The following PSMD6 variants were observed in gnomAD, a reference collection of about 807,000 sequenced individuals.
PSMD6 encodes 26S proteasome non-ATPase regulatory subunit 6.
In PSMD6, 7 loss-of-function variants were observed where a neutral mutation model predicts 44.9. The ratio of observed to expected loss-of-function variants is 0.16; its 90% confidence interval spans 0.09 to 0.29. PSMD6 has a LOEUF of 0.29. Ranked by LOEUF, PSMD6 falls within the 10% of genes least tolerant of loss-of-function variation. The pLI is 1.00. For missense variants in PSMD6, 420 were observed against 482.6 expected (o/e 0.87, Z 1.21); for synonymous variants, 184 against 172.7 (o/e 1.07, Z -0.51).
At chr3:64,021,171 T>C (rs1338730891) in intron 2 of PSMD6, among the ~76,000 whole-genome samples, 1 of 152,150 alleles carries the variant, frequency 6.6e-6, no homozygotes, top group Admixed American at 6.5e-5. Flanking sequence ...TACATAAGCA[T>C]ATTTTTACAG....
intron 5 of PSMD6, chr3:64,014,634 A>G (rs2076016027): frequency 6.6e-6 from 1 of 152,168 alleles, no homozygotes; most frequent in Admixed American, 6.5e-5. Flanking sequence ...ACTCTAGAGT[A>G]TACTTATGTT....
In PSMD6 at chr3:64,013,284, G is replaced by T. The variant is rs935729386; in HGVS notation, c.995+155C>A. ...TGACATGAGGAAGGCAGAGGCAACA[G>T]GATACGAATGTTTTGATAATACTGA... is the stretch of plus-strand genomic sequence containing the variant. On this transcript the variant is annotated intron_variant, in intron 6 of 7. Transcript: ENST00000295901. 6.0e-6 allele frequency: 4 copies of T among 661,944 alleles called. No individual in the cohort carries two copies. The Admixed American group carries it at 1.0e-4, about 17-fold the overall frequency. 41.0% of individuals were successfully genotyped at this position (661,944 alleles called of 1,614,324 possible).
chr3:64,011,356 C>A, intron 6 of PSMD6: 1 of 150,586 alleles, frequency 6.6e-6, no homozygotes, highest in Non-Finnish European at 1.4e-5. Context: ...ATGTCAACAG[C>A]AATAGTATTT....
At chr3:64,023,034 C>G in intron 1 of PSMD6, 2 of 1,427,346 alleles carry the variant, frequency 1.4e-6, no homozygotes, top group Non-Finnish European at 1.8e-6. Flanking sequence ...CACGATTCTC[C>G]CCCAAGCTGC....
At chr3:64,023,533 C>CAG, upstream of PSMD6, 1 of 1,411,164 alleles carries the variant, frequency 7.1e-7, no homozygotes, top group Non-Finnish European at 9.3e-7. Context: ...GGCTTCCGGT[C>CAG]CCGTCTCCGC....
chr3:64,013,384 A>ATATT, intron 6 of PSMD6, 55 bp downstream of exon 6: 1 of 1,454,668 alleles, frequency 6.9e-7, no homozygotes, highest in Admixed American at 2.4e-5. Context: ...ACAAGTTCAC[A>ATATT]TATTTTAAAA....
intron 4 of PSMD6, 33 bp downstream of exon 4, chr3:64,018,785 C>T (rs2076087694): frequency 1.3e-6 from 2 of 1,537,918 alleles, no homozygotes; most frequent in East Asian, 4.5e-5. Context: ...AAAAACAAGT[C>T]TTTAAATTTG....
In PSMD6 at chr3:64,010,779, A is replaced by C. The variant is rs773513107; in HGVS notation, c.1074-15T>G. ...TGCTATCAGGTCTATAAATAAATTC[A>C]AGAAAAAATGAATTATTTACCAGTC... On this transcript the variant is annotated splice_polypyrimidine_tract_variant and intron_variant, in intron 7 of 7. Coordinates refer to ENST00000295901, the MANE Select transcript of PSMD6 (RefSeq NM_014814.3). 3.1e-6 allele frequency: 5 copies of C among 1,589,876 alleles called. No homozygotes were observed. The highest frequency in any genetic ancestry group is 4.3e-6 in the Non-Finnish European group (5 of 1,161,454).
Position 64,010,636 on chromosome 3 carries a change from T to G in PSMD6, c.*32A>C. 1 of 1,497,554 alleles carries G rather than the reference T, an allele frequency of 6.7e-7. No homozygotes were observed. The highest frequency in any genetic ancestry group is 9.2e-7 in the Non-Finnish European group (1 of 1,087,228). 92.8% of individuals were successfully genotyped at this position (1,497,554 alleles called of 1,614,324 possible). A position where few individuals can be genotyped will look rare whatever the true frequency, so the allele number is the denominator to read the frequency against. On this transcript the variant is annotated 3_prime_UTR_variant, in exon 8 of 8. Transcript: ENST00000295901. ...GCTATAAAAATTCCAAATAATTATC[T>G]CTAAAGCAAATCCTTTGTTAGTTAC...
intron 5 of PSMD6, chr3:64,014,506 G>T (rs2076013693): frequency 6.6e-6 from 1 of 152,148 alleles, no homozygotes; most frequent in South Asian, 2.1e-4. Flanking sequence ...CAATGTAAAT[G>T]ATACAAAAGT....
At chr3:64,013,339 A>G in intron 6 of PSMD6, 100 bp downstream of exon 6, 1 of 1,243,346 alleles carries the variant, frequency 8.0e-7, no homozygotes, top group Non-Finnish European at 1.1e-6. Context: ...CCCCGTTAAG[A>G]TTGAGGGAAC....
At chr3:64,021,499 A>G (rs2076130664) in intron 2 of PSMD6, among the ~76,000 whole-genome samples, 1 of 152,268 alleles carries the variant, frequency 6.6e-6, no homozygotes, top group African/African-American at 2.4e-5. Flanking sequence ...TCTTTTACAT[A>G]TAAAATTTTA....
chr3:64,016,716 TCA>T (rs2076049777), intron 5 of PSMD6: 1 of 152,168 alleles, frequency 6.6e-6, no homozygotes. Context: ...ACTGGAACCC[TCA>T]CACAGCTGAT....
chr3:64,022,281 A>G, intron 2 of PSMD6, 37 bp downstream of exon 2: 1 of 1,607,134 alleles, frequency 6.2e-7, no homozygotes, highest in Non-Finnish European at 8.5e-7. Context: ...ATTTTAGCCT[A>G]TACTAACTAC....
Position 64,023,288 on chromosome 3 carries a change from G to A in PSMD6, c.132C>T (p.Ala44=). 2 of 1,573,572 alleles carry A rather than the reference G, an allele frequency of 1.3e-6. No homozygotes were observed. The highest frequency in any genetic ancestry group is 8.6e-7 in the Non-Finnish European group (1 of 1,159,840). ...DAAVRDELMA[A]VRDNNMAPYY... The stretch of plus-strand genomic sequence containing the variant: ...TGCGGGCCTCACTGTTATCGCGGAC[G>A]GCCGCCATCAGCTCGTCGCGCACGG... The change falls in exon 1 of 8, where the codon GCC becomes GCT. Residue 44 remains alanine, a synonymous_variant. Transcript: ENST00000295901.
intron 2 of PSMD6, among the ~76,000 whole-genome samples, chr3:64,021,953 A>ACT (rs539619285): frequency 8.5e-4 from 130 of 152,350 alleles, no homozygotes; most frequent in Middle Eastern, 3.4e-3. Context: ...TCTGCTAAGT[A>ACT]TTACTCGTGT....
At chr3:64,018,511 A>G in intron 5 of PSMD6, 88 bp downstream of exon 5, 1 of 945,824 alleles carries the variant, frequency 1.1e-6, no homozygotes, top group Non-Finnish European at 1.6e-6. Context: ...CATTTCTCAG[A>G]TAGGTGAAAA....
chr3:64,010,602 G>A lies in PSMD6; in HGVS notation c.*66C>T. 1.7e-6 allele frequency: 2 copies of A among 1,184,324 alleles called. No homozygotes were observed. The highest frequency in any genetic ancestry group is 2.4e-5 in the East Asian group (1 of 41,214). The allele number at this position is 1,184,324 out of a possible 1,614,324, so 73.4% of individuals were successfully genotyped here. The stretch of plus-strand genomic sequence containing the variant: ...TTTATACAGCTGACCTGGGCACATT[G>A]TGAAGTAAGCTATAAAAATTCCAAA... On this transcript the variant is annotated 3_prime_UTR_variant, in exon 8 of 8. Coordinates refer to ENST00000295901, the MANE Select transcript of PSMD6 (RefSeq NM_014814.3).
intron 5 of PSMD6, 180 bp downstream of exon 5, chr3:64,018,419 C>A: frequency 1.9e-6 from 1 of 516,584 alleles, no homozygotes; most frequent in Non-Finnish European, 3.5e-6. Flanking sequence ...ATACAGCAGG[C>A]CACAATCTGA....
Sources: allele counts gnomAD v4.1 joint callset (sites outside exome capture counted in the v4.1 genomes callset), GRCh38; gene constraint gnomAD v4.1.1; transcripts MANE v1.5; gene names NCBI Gene and HGNC (gene_info 2026-07-23, HGNC 2026-07-21).